The following SGSM2 variants were observed in gnomAD, a reference collection of about 807,000 sequenced individuals.
The protein encoded by SGSM2 is RUN and TBC1 domain containing 1.
SGSM2 carries 89 observed loss-of-function variants against 126.6 expected under a neutral mutation model. The ratio of observed to expected loss-of-function variants is 0.70; its 90% confidence interval spans 0.59 to 0.84. SGSM2 has a LOEUF of 0.84. Among genes scored for constraint, SGSM2 ranks in the 40% least tolerant of loss-of-function variants. The pLI is 0.00. For missense variants in SGSM2, 1,404 were observed against 1,416.6 expected (o/e 0.99, Z 0.14); for synonymous variants, 614 against 574.3 (o/e 1.07, Z -0.99).
Position 2,362,170 on chromosome 17 carries a change from C to A in SGSM2, c.358C>A (p.Pro120Thr), listed in dbSNP as rs2065337829. The change falls in exon 4 of 24, where the codon CCG (proline) becomes ACG (threonine). Residue 120 changes from proline to threonine, a missense_variant. By Grantham distance (38) the Pro-to-Thr change is conservative. Transcript: ENST00000268989. The surrounding 1 kb of genome is among the most constrained non-coding windows in gnomAD (Gnocchi z 4.9). ...RRQGSASGKA[P>T]ALSPQALKHV... ...ACAGGGCTCAGCCAGCGGGAAGGCC[C>A]CGGCCCTCAGCCCTCAGGCCTTGAA... 6.2e-7 allele frequency: 1 copy of A among 1,613,894 alleles called. No individual in the cohort carries two copies. Among genetic ancestry groups the A allele is most frequent in the Admixed American group, 1.7e-5 (1 of 59,996 alleles).
intron 17 of SGSM2, 35 bp from the exon 18 acceptor site, chr17:2,375,457 A>G: frequency 6.4e-7 from 1 of 1,570,148 alleles, no homozygotes; most frequent in South Asian, 1.2e-5. Flanking sequence ...AAGGTGCTGG[A>G]GTGCAGGTGG....
intron 8 of SGSM2, 44 bp downstream of exon 8, chr17:2,364,227 G>T (rs1311326814): frequency 6.2e-7 from 1 of 1,611,420 alleles, no homozygotes. Flanking sequence ...GGCAGGGAGT[G>T]GGTTTGACCT....
chr17:2,372,322 G>A lies in SGSM2; in HGVS notation c.1643-21G>A. The A allele has an allele frequency of 6.2e-7, 1 of 1,602,878 alleles. No individual in the cohort carries two copies. The highest frequency in any genetic ancestry group is 8.5e-7 in the Non-Finnish European group (1 of 1,174,932). ...CGGCCCTGGGTCCCAGCCTCCTGCT[G>A]CCCACCGCTGCCCACCGCAGGGCTG... is the stretch of plus-strand genomic sequence containing the variant. On this transcript the variant is annotated intron_variant, in intron 14 of 23. Transcript: ENST00000268989. This position sits in a 1 kb window ranked among gnomAD's most constrained non-coding sequence, Gnocchi z 6.0.
Position 2,342,635 on chromosome 17 carries a change from T to G in SGSM2, c.58-910T>G, listed in dbSNP as rs574365742. ...ACGCTGTGTAATTGTGATATGTTCTTTTATATGTTTACTGCACATCAGTTA... is the reference window on the plus strand; with the variant it reads ...ACGCTGTGTAATTGTGATATGTTCTGTTATATGTTTACTGCACATCAGTTA... On this transcript the variant is annotated intron_variant, in intron 1 of 23. Transcript: ENST00000268989. 7.9e-5 allele frequency among the ~76,000 whole-genome samples: 12 copies of G among 152,286 alleles called. No homozygotes were observed. The South Asian group carries it at 1.9e-3, about 24-fold the overall frequency.
intron 13 of SGSM2, 92 bp downstream of exon 13, chr17:2,371,507 CAG>C (rs2065871410): frequency 2.8e-6 from 4 of 1,445,018 alleles, no homozygotes; most frequent in Non-Finnish European, 3.7e-6. Context: ...ACCTGCACGA[CAG>C]GGTGGCCTCT....
At chr17:2,376,590 T>C (rs1320870709) in intron 19 of SGSM2, 143 bp from the exon 20 acceptor site, 2 of 915,620 alleles carry the variant, frequency 2.2e-6, no homozygotes, top group Non-Finnish European at 3.4e-6. Context: ...GTTGTCTCCC[T>C]GTGGGGGGTG....
chr17:2,349,398 C>T (rs2064750943), intron 2 of SGSM2, among the ~76,000 whole-genome samples: 1 of 151,838 alleles, frequency 6.6e-6, no homozygotes, highest in Non-Finnish European at 1.5e-5. Context: ...ACCTTACAAC[C>T]TTTCCTATAA....
At chr17:2,359,857 T>C (rs1175688769) in intron 2 of SGSM2, among the ~76,000 whole-genome samples, 1 of 152,010 alleles carries the variant, frequency 6.6e-6, no homozygotes. Flanking sequence ...CTCTCCCCAC[T>C]CTGAATGGGA....
rs556303025 is a variant in SGSM2 at position 2,360,992 on chromosome 17, C to T, written c.134-645C>T. ...CTCCTGTCTTTAGAGTCTGTCTGGG[C>T]ACAGGGCAGCTCCCTACTGTCTCCT... is the stretch of plus-strand genomic sequence containing the variant. On this transcript the variant is annotated intron_variant, in intron 2 of 23. Transcript: ENST00000268989. Among the ~76,000 whole-genome samples, 12 of 152,350 alleles carry T rather than the reference C, an allele frequency of 7.9e-5. No individual in the cohort carries two copies. In the East Asian group the frequency reaches 2.3e-3, roughly 29 times the overall value.
Position 2,362,087 on chromosome 17 carries a change from G to C in SGSM2, c.297-22G>C, listed in dbSNP as rs754426684. ...TTTACCCCTAGACCACTGCACTCCT[G>C]GAGCCCTCCCCGCCTTTGCAGGAAA... On this transcript the variant is annotated intron_variant, in intron 3 of 23. Transcript: ENST00000268989. The surrounding 1 kb of genome is among the most constrained non-coding windows in gnomAD (Gnocchi z 4.9). The C allele has an allele frequency of 8.7e-6, 14 of 1,603,526 alleles. No homozygotes were observed. The highest frequency in any genetic ancestry group is 1.1e-5 in the Non-Finnish European group (13 of 1,176,160).
At position 2,352,922 on chromosome 17, in the gene SGSM2, C is replaced by T. The variant is rs540326570; in HGVS notation, c.134-8715C>T. Among the ~76,000 whole-genome samples the T allele has an allele frequency of 2.7e-3, 384 of 142,112 alleles. 12 individuals carry two copies. The highest frequency in any genetic ancestry group is 1.0e-2 in the African/African-American group (370 of 37,066). The allele number at this position is 142,112 out of a possible 152,430, so 93.2% of individuals were successfully genotyped here. On this transcript the variant is annotated intron_variant, in intron 2 of 23. Coordinates refer to ENST00000268989, the MANE Select transcript of SGSM2 (RefSeq NM_014853.3). ...CCTCCCGAGTAGCTGGGACTACAGG[C>T]GTCCGCCACCACGCCCGGCTAATTT...
rs2003969 is a variant in SGSM2, at chr17:2,363,415, T to C, written c.673-50T>C. On this transcript the variant is annotated intron_variant, in intron 6 of 23. Transcript: ENST00000268989. The surrounding 1 kb of genome is among the most constrained non-coding windows in gnomAD (Gnocchi z 4.2). ...ATGGAAGCGTGAGGGTTCCCAAGCCTTGAGGCCAGTTTCCCAAGGCTGGAG... is the reference window on the plus strand; with the variant it reads ...ATGGAAGCGTGAGGGTTCCCAAGCCCTGAGGCCAGTTTCCCAAGGCTGGAG... 855,278 of 1,606,862 alleles carry C rather than the reference T, an allele frequency of 0.53. 232,951 individuals are homozygous for C. The highest frequency in any genetic ancestry group is 0.78 in the East Asian group (34,909 of 44,768).
In SGSM2 at chr17:2,379,159, G is replaced by C. The variant is rs767384666; in HGVS notation, c.3023G>C (p.Arg1008Pro). ...ALVEAYREII[R>P]DNNMDFTDII... ...GTGGAGGCCTACCGAGAGATCATCC[G>C]TGACAACAACATGGACTTCACTGAC... Residue 1008 changes from arginine to proline, a missense_variant, in exon 23 of 24, where the codon CGT (arginine) becomes CCT (proline). By Grantham distance (103) the Arg-to-Pro change is moderately radical. Coordinates refer to ENST00000268989, the MANE Select transcript of SGSM2 (RefSeq NM_014853.3). 3.1e-6 allele frequency: 5 copies of C among 1,613,970 alleles called. No homozygotes were observed. The highest frequency in any genetic ancestry group is 3.3e-5 in the Admixed American group (2 of 59,992).
chr17:2,342,969 TC>T (rs2064444181), intron 1 of SGSM2, among the ~76,000 whole-genome samples: 1 of 152,088 alleles, frequency 6.6e-6, no homozygotes, highest in South Asian at 2.1e-4. Flanking sequence ...AGAGCGAGAC[TC>T]CATCTCAAAA....
chr17:2,342,334 G>C (rs1282907171), intron 1 of SGSM2, among the ~76,000 whole-genome samples: 1 of 152,006 alleles, frequency 6.6e-6, no homozygotes, highest in Non-Finnish European at 1.5e-5. Flanking sequence ...TGAGGCAGGA[G>C]AATCTCTTGA....
intron 2 of SGSM2, among the ~76,000 whole-genome samples, chr17:2,348,960 C>T (rs1597320746): frequency 6.6e-6 from 1 of 151,856 alleles, no homozygotes; most frequent in Non-Finnish European, 1.5e-5. Flanking sequence ...GACGGGGTTT[C>T]GCCATGTTGC....
intron 2 of SGSM2, among the ~76,000 whole-genome samples, chr17:2,353,103 C>T (rs2064940532): frequency 6.6e-6 from 1 of 152,078 alleles, no homozygotes; most frequent in Non-Finnish European, 1.5e-5. Context: ...AGCAGCCGAG[C>T]TATAGTTCAT....
At chr17:2,373,559 C>A in intron 17 of SGSM2, 46 bp downstream of exon 17, 2 of 1,536,038 alleles carry the variant, frequency 1.3e-6, no homozygotes, top group East Asian at 2.3e-5. Context: ...GGGGGCCACC[C>A]GCGTTTTATG....
At chr17:2,368,981 A>G (rs2065728965) in intron 12 of SGSM2, among the ~76,000 whole-genome samples, 1 of 152,204 alleles carries the variant, frequency 6.6e-6, no homozygotes, top group Non-Finnish European at 1.5e-5. Context: ...GGATCAGAGA[A>G]ACTTCCAGAC....
Sources: allele counts gnomAD v4.1 joint callset (sites outside exome capture counted in the v4.1 genomes callset), GRCh38; gene constraint gnomAD v4.1.1; non-coding constraint Gnocchi (gnomAD v3.1); transcripts MANE v1.5; gene names NCBI Gene and HGNC (gene_info 2026-07-23, HGNC 2026-07-21).